Variants in NXPE2 observed in about 807,000 individuals in gnomAD.
NXPE2 encodes NXPE family member 2.
In NXPE2, 34 loss-of-function variants were observed where a neutral mutation model predicts 34.4. That is an observed-to-expected ratio of 0.99 (90% CI 0.75 to 1.31). NXPE2 has a LOEUF of 1.31. Among genes scored for constraint, NXPE2 ranks in the 40% most tolerant of loss-of-function variants. NXPE2 has a pLI of 0.00. For synonymous variants in NXPE2, 235 were observed against 231.3 expected (o/e 1.02, Z -0.15); for missense variants, 649 against 672.5 (o/e 0.97, Z 0.39).
the NXPE2 span, chr11:114,554,221 G>A: frequency 8.2e-6 from 8 of 977,622 alleles, no homozygotes; most frequent in East Asian, 1.1e-4. Flanking sequence ...TGTGTTAGCC[G>A]AGATACACAA....
chr11:114,468,624 C>T, the NXPE2 span, among the ~76,000 whole-genome samples: 3 of 152,168 alleles, frequency 2.0e-5, no homozygotes, highest in Non-Finnish European at 4.4e-5. Context: ...GAGACTGCTA[C>T]TGGCATCTAG....
chr11:114,735,761 T>C, the NXPE2 span, among the ~76,000 whole-genome samples: 1 of 152,212 alleles, frequency 6.6e-6, no homozygotes, highest in Admixed American at 6.5e-5. Context: ...AACAGGTCTT[T>C]GTTACAAATA....
At chr11:114,804,467 T>C in the NXPE2 span, among the ~76,000 whole-genome samples, 302 of 152,356 alleles carry the variant, frequency 2.0e-3, 1 homozygote, top group Non-Finnish European at 3.3e-3. Context: ...TAACTTGCCA[T>C]TCATTGTGGA....
chr11:114,562,980 G>GA, the NXPE2 span, among the ~76,000 whole-genome samples: 11 of 151,954 alleles, frequency 7.2e-5, no homozygotes, highest in East Asian at 1.9e-4. Context: ...TTAAGTCACA[G>GA]AAAAAAACCA....
the NXPE2 span, among the ~76,000 whole-genome samples, chr11:114,811,414 AG>A: frequency 6.7e-6 from 1 of 150,176 alleles, no homozygotes; most frequent in Non-Finnish European, 1.5e-5. Flanking sequence ...AGGTAGGGAT[AG>A]GGGGTGTCTC....
chr11:114,619,238 A>G, the NXPE2 span, among the ~76,000 whole-genome samples: 2 of 152,014 alleles, frequency 1.3e-5, no homozygotes, highest in Non-Finnish European at 2.9e-5. Context: ...CCGGTAGAAT[A>G]TAAGTAATGC....
chr11:114,542,552 A>G, the NXPE2 span, among the ~76,000 whole-genome samples: 1 of 152,234 alleles, frequency 6.6e-6, no homozygotes, highest in Non-Finnish European at 1.5e-5. Context: ...CAGTACAACT[A>G]TAAAAAATTG....
At chr11:114,685,787 G>A (rs1951034481) in intron 2 of NXPE2, among the ~76,000 whole-genome samples, 1 of 152,074 alleles carries the variant, frequency 6.6e-6, no homozygotes, top group Admixed American at 6.6e-5. Flanking sequence ...TAAGGGTCTA[G>A]CACAAAACTT....
intron 2 of NXPE2, among the ~76,000 whole-genome samples, chr11:114,688,342 A>G (rs1951084897): frequency 6.6e-6 from 1 of 152,092 alleles, no homozygotes; most frequent in African/African-American, 2.4e-5. Context: ...TATTGAGATG[A>G]TGATATAGTT....
the NXPE2 span, among the ~76,000 whole-genome samples, chr11:114,635,860 G>A: frequency 2.6e-5 from 4 of 152,054 alleles, no homozygotes; most frequent in Admixed American, 6.6e-5. Flanking sequence ...TGCTGTATTC[G>A]GTTTGCCAGT....
the NXPE2 span, among the ~76,000 whole-genome samples, chr11:114,577,171 T>C: frequency 2.7e-5 from 4 of 146,460 alleles, no homozygotes; most frequent in African/African-American, 1.0e-4. Context: ...CATATATATA[T>C]ATATATATAA....
At chr11:114,628,139 A>G in the NXPE2 span, among the ~76,000 whole-genome samples, 62,684 of 129,080 alleles carry the variant, frequency 0.49, 16,398 homozygotes, top group African/African-American at 0.64. Context: ...ACGATACCCA[A>G]GAATTGAACT....
At chr11:114,520,043 C>A in the NXPE2 span, among the ~76,000 whole-genome samples, 2 of 151,954 alleles carry the variant, frequency 1.3e-5, no homozygotes, top group Non-Finnish European at 2.9e-5. Flanking sequence ...ACCTCGTGAT[C>A]CTCCCGCTTA....
chr11:114,723,957 T>C, the NXPE2 span, among the ~76,000 whole-genome samples: 1 of 152,190 alleles, frequency 6.6e-6, no homozygotes, highest in Non-Finnish European at 1.5e-5. Flanking sequence ...TTCCCAGCTG[T>C]CATCTCTGTG....
intron 1 of NXPE2, among the ~76,000 whole-genome samples, chr11:114,678,944 T>C (rs1335539375): frequency 4.6e-5 from 7 of 151,518 alleles, no homozygotes; most frequent in Non-Finnish European, 1.0e-4. Context: ...TGTTTGTTTT[T>C]ATTTTTTTTA....
the NXPE2 span, among the ~76,000 whole-genome samples, chr11:114,618,596 A>G: frequency 6.6e-6 from 1 of 151,982 alleles, no homozygotes; most frequent in African/African-American, 2.4e-5. Context: ...AACAACTGTT[A>G]CCCTGTGGAT....
At chr11:114,804,469 C>G in the NXPE2 span, among the ~76,000 whole-genome samples, 1 of 152,240 alleles carries the variant, frequency 6.6e-6, no homozygotes, top group African/African-American at 2.4e-5. Context: ...ACTTGCCATT[C>G]ATTGTGGACT....
upstream of NXPE2, among the ~76,000 whole-genome samples, chr11:114,677,924 A>G (rs1950876672): frequency 6.6e-6 from 1 of 152,092 alleles, no homozygotes; most frequent in Non-Finnish European, 1.5e-5. Flanking sequence ...CATGAGACCT[A>G]CATCCACAGA....
At chr11:114,768,037 A>C in the NXPE2 span, among the ~76,000 whole-genome samples, 3 of 152,158 alleles carry the variant, frequency 2.0e-5, no homozygotes, top group African/African-American at 7.2e-5. Context: ...AGTCCCTAGC[A>C]AAGAACCTGG....
Sources: gnomAD v4.1 joint callset for allele counts (sites outside exome capture counted in the v4.1 genomes callset) on GRCh38, gnomAD v4.1.1 for gene constraint, MANE v1.5 for transcripts, NCBI Gene and HGNC (gene_info 2026-07-23, HGNC 2026-07-21) for gene names.